CHN2: variants seen among roughly 807,000 people sequenced by gnomAD.
CHN2 encodes beta-chimaerin.
A neutral mutation model predicts 56.3 loss-of-function variants in CHN2; 35 were observed. The observed-to-expected ratio is 0.62, with a 90% confidence interval of 0.47 to 0.82. The LOEUF (loss-of-function observed/expected upper bound fraction) is 0.82. Ranked by LOEUF, CHN2 falls within the 40% of genes least tolerant of loss-of-function variation. The pLI, the probability that CHN2 is intolerant of heterozygous loss-of-function variation, is 0.00. For missense variants in CHN2, 491 were observed against 580.5 expected (o/e 0.85, Z 1.58); for synonymous variants, 210 against 212.8 (o/e 0.99, Z 0.12).
intron 1 of CHN2, among the ~76,000 whole-genome samples, chr7:29,222,743 G>A (rs1428442769): frequency 6.6e-6 from 1 of 152,044 alleles, no homozygotes; most frequent in Non-Finnish European, 1.5e-5. Flanking sequence ...AAATTATCAG[G>A]CTGGTTCAAA....
intron 1 of CHN2, among the ~76,000 whole-genome samples, chr7:29,228,471 C>T (rs1461352822): frequency 1.3e-5 from 2 of 152,158 alleles, no homozygotes; most frequent in African/African-American, 2.4e-5. Flanking sequence ...CTATGATGTT[C>T]GCACAACATG....
intron 6 of CHN2, among the ~76,000 whole-genome samples, chr7:29,412,320 CTTTT>C (rs1158746299): frequency 1.4e-5 from 1 of 69,510 alleles, no homozygotes; most frequent in African/African-American, 6.2e-5. Flanking sequence ...GCTAAAGAGT[CTTTT>C]TTTTTTTTTT....
chr7:29,298,397 CG>C (rs34717157), intron 1 of CHN2, among the ~76,000 whole-genome samples: 2 of 151,974 alleles, frequency 1.3e-5, no homozygotes, highest in Non-Finnish European at 2.9e-5. Flanking sequence ...AAATGTGTTT[CG>C]GGGGGGTTGC....
intron 1 of CHN2, chr7:29,212,954 A>C: frequency 6.2e-7 from 1 of 1,609,222 alleles, no homozygotes; most frequent in Non-Finnish European, 8.5e-7. Flanking sequence ...TGGAGCAACC[A>C]CTCCTGGAAC....
intron 1 of CHN2, among the ~76,000 whole-genome samples, chr7:29,293,491 G>A (rs1191282989): frequency 6.6e-6 from 1 of 151,638 alleles, no homozygotes; most frequent in East Asian, 1.9e-4. Context: ...TCCACAAACT[G>A]CACTATCATC....
chr7:29,277,185 T>G (rs926010529), intron 1 of CHN2, among the ~76,000 whole-genome samples: 2 of 152,146 alleles, frequency 1.3e-5, no homozygotes, highest in African/African-American at 4.8e-5. Flanking sequence ...CAGATGCAGA[T>G]CATTAGCTGA....
chr7:29,242,440 A>T (rs1584842162), intron 1 of CHN2, among the ~76,000 whole-genome samples: 1 of 152,156 alleles, frequency 6.6e-6, no homozygotes, highest in Admixed American at 6.5e-5. Context: ...GCTGGCTGTG[A>T]TGTCAACACT....
chr7:29,180,731 C>A (rs917414954), intron 2 of CHN2, among the ~76,000 whole-genome samples: 1 of 152,192 alleles, frequency 6.6e-6, no homozygotes, highest in Non-Finnish European at 1.5e-5. Flanking sequence ...TTAAGGGGCA[C>A]TAGAGTCCAG....
rs546017755 is a variant in CHN2 at position 29,175,301 on chromosome 7, A to G, written c.274+28341A>G. 2.8e-4 allele frequency among the ~76,000 whole-genome samples: 43 copies of G among 151,598 alleles called. No homozygotes were observed. The East Asian group carries it at 6.8e-3, about 24-fold the overall frequency. ...GTGATTCTCCTGCCTCAGCCCCCTC[A>G]GTAGCTGGGATTACAGGCGCATGCC... On this transcript the variant is annotated intron_variant, in intron 2 of 6. Transcript: ENST00000439384.
chr7:29,500,479 T>G (rs1396227733), intron 9 of CHN2, among the ~76,000 whole-genome samples: 1 of 152,164 alleles, frequency 6.6e-6, no homozygotes, highest in East Asian at 1.9e-4. Flanking sequence ...TTTTAAAAAA[T>G]TAGCCAGGTG....
intron 6 of CHN2, among the ~76,000 whole-genome samples, chr7:29,452,703 G>A (rs75329062): frequency 0.011 from 1,667 of 152,352 alleles, 29 homozygotes; most frequent in African/African-American, 0.038. Flanking sequence ...GTTGGCTGGT[G>A]CATGCTCTAC....
At chr7:29,237,932 G>A (rs1787325165) in intron 1 of CHN2, among the ~76,000 whole-genome samples, 1 of 151,574 alleles carries the variant, frequency 6.6e-6, no homozygotes, top group African/African-American at 2.4e-5. Context: ...GCACGGCACA[G>A]CATTGTGTTA....
At chr7:29,324,386 A>C (rs1348018136) in intron 1 of CHN2, among the ~76,000 whole-genome samples, 2 of 152,216 alleles carry the variant, frequency 1.3e-5, no homozygotes, top group Non-Finnish European at 1.5e-5. Flanking sequence ...CATTTAAACC[A>C]TAGCCTAAAT....
chr7:29,373,343 A>AT (rs963226132), intron 3 of CHN2, among the ~76,000 whole-genome samples: 154 of 148,618 alleles, frequency 1.0e-3, no homozygotes, highest in African/African-American at 3.6e-3. Context: ...CACCTGGCTC[A>AT]TTTTTTTTTT....
chr7:29,195,137 G>T, intron 1 of CHN2, 147 bp downstream of exon 1: 1 of 778,204 alleles, frequency 1.3e-6, no homozygotes, highest in Non-Finnish European at 1.9e-6. Context: ...ATACTTGTTT[G>T]GTTCGCCAGC....
intron 1 of CHN2, among the ~76,000 whole-genome samples, chr7:29,244,755 C>A (rs1258817012): frequency 1.3e-5 from 2 of 152,212 alleles, no homozygotes; most frequent in Non-Finnish European, 2.9e-5. Flanking sequence ...GCCATAATGA[C>A]CAGTGTAACG....
intron 6 of CHN2, among the ~76,000 whole-genome samples, chr7:29,417,405 C>T (rs2007054): frequency 0.43 from 63,668 of 148,512 alleles, 14,884 homozygotes; most frequent in East Asian, 0.59. Context: ...GCGCGATCTC[C>T]GCTCACTGCA....
intron 1 of CHN2, among the ~76,000 whole-genome samples, chr7:29,218,284 G>A (rs888658427): frequency 6.6e-6 from 1 of 151,950 alleles, no homozygotes; most frequent in Admixed American, 6.6e-5. Context: ...CCTCGTGAAG[G>A]TAGGCATGTG....
chr7:29,351,707 A>G (rs1288082875), intron 1 of CHN2, among the ~76,000 whole-genome samples: 1 of 152,192 alleles, frequency 6.6e-6, no homozygotes, highest in African/African-American at 2.4e-5. Flanking sequence ...TGTTTTAGGA[A>G]CAGAGAGAAA....
Sources: gnomAD v4.1 joint callset for allele counts (sites outside exome capture counted in the v4.1 genomes callset) on GRCh38, gnomAD v4.1.1 for gene constraint, MANE v1.5 for transcripts, NCBI Gene and HGNC (gene_info 2026-07-23, HGNC 2026-07-21) for gene names.